Variants in RB1CC1 observed in about 807,000 individuals in gnomAD.
The protein encoded by RB1CC1 is RB1 inducible coiled-coil 1, also known as RB1-inducible coiled-coil protein 1.
Under a neutral mutation model 177.5 loss-of-function variants are expected in RB1CC1, and 46 were observed. The ratio of observed to expected loss-of-function variants is 0.26; its 90% CI spans 0.20 to 0.33. RB1CC1 has a LOEUF of 0.33. Among genes scored for constraint, RB1CC1 ranks in the 10% least tolerant of loss-of-function variants. The pLI, the probability that RB1CC1 is intolerant of heterozygous loss-of-function variation, is 1.00. For synonymous variants in RB1CC1, 666 were observed against 613.6 expected (o/e 1.09, Z -1.26); for missense variants, 1,703 against 1,816.3 (o/e 0.94, Z 1.13).
intron 1 of RB1CC1, among the ~76,000 whole-genome samples, chr8:52,697,907 T>C (rs948732534): frequency 2.6e-5 from 4 of 152,160 alleles, no homozygotes; most frequent in African/African-American, 9.7e-5. Context: ...CTTAAGCCAA[T>C]AACTGTACCA....
In RB1CC1 at chr8:52,683,684, C is replaced by A. The variant is rs1853983652; in HGVS notation, c.234G>T (p.Met78Ile). 1.3e-6 allele frequency: 2 copies of A among 1,595,982 alleles called. No individual in the cohort carries two copies. The highest frequency in any genetic ancestry group is 1.2e-5 in the South Asian group (1 of 86,876). Reference protein sequence around the residue: ...TNPIFLFNKEMILCDRPPAIP... With the variant: ...TNPIFLFNKEIILCDRPPAIP... Reference sequence around the variant, plus strand: ...TAGCAGGTGGACGATCACATAAGATCATTTCTTTGTTAAAAAGAAAAATTG... The same window carrying A: ...TAGCAGGTGGACGATCACATAAGATAATTTCTTTGTTAAAAAGAAAAATTG... The change falls in exon 5 of 24, where the codon ATG becomes ATT. Residue 78 changes from methionine (M) to isoleucine (I), a missense_variant. Physicochemically the swap from Met to Ile is conservative, Grantham distance 10. Transcript: ENST00000025008.
Position 52,659,312 on chromosome 8 carries a change from GTATA to G in RB1CC1, c.1690-340_1690-337del, listed in dbSNP as rs535162312. 4.2e-3 allele frequency among the ~76,000 whole-genome samples: 634 copies of G among 152,018 alleles called. 2 individuals carry two copies. The highest frequency in any genetic ancestry group is 5.6e-3 in the Non-Finnish European group (379 of 67,988). ...GGTAAACACATATGTAAGTGTGTGC[GTATA>G]TATATAATATTTACCATGTTAAAGC... is the stretch of plus-strand genomic sequence containing the variant. On this transcript the variant is annotated intron_variant, in intron 12 of 23. Coordinates refer to ENST00000025008, the MANE Select transcript of RB1CC1 (RefSeq NM_014781.5).
chr8:52,657,159 G>T lies in RB1CC1; in HGVS notation c.2670C>A (p.Asn890Lys). ...ACTCTCCCTTCAATTTTTTAATTTT[G>T]TTTTCATTCTCTTCAGTTTCCTTTA... ...GLIKETEENE[N>K]KIKKLKGELV... The change falls in exon 15 of 24, where the codon AAC becomes AAA. Residue 890 changes from asparagine to lysine, a missense_variant. Asn to Lys is a moderately conservative substitution (Grantham distance 94). This residue lies in a region of RB1CC1 where 1,169 missense variants were observed against 1,184.7 expected (regional missense o/e 0.99). Coordinates refer to ENST00000025008, the MANE Select transcript of RB1CC1 (RefSeq NM_014781.5). 1 of 1,608,428 alleles carries T rather than the reference G, an allele frequency of 6.2e-7. No homozygotes were observed.
At chr8:52,664,834 T>C (rs576857734) in intron 8 of RB1CC1, among the ~76,000 whole-genome samples, 7 of 152,278 alleles carry the variant, frequency 4.6e-5, no homozygotes, top group Admixed American at 3.3e-4. Flanking sequence ...TGAAACCAAG[T>C]AGACTTGAGG....
At chr8:52,713,115 CTACACAATAAAATAGTTAGCAAA>C (rs1318183697) in intron 1 of RB1CC1, among the ~76,000 whole-genome samples, 1 of 152,206 alleles carries the variant, frequency 6.6e-6, no homozygotes, top group African/African-American at 2.4e-5. Flanking sequence ...ACTTAAGAAA[CTACACAATAAAATAGTTAGCAAA>C]TAGGTACACT....
intron 13 of RB1CC1, among the ~76,000 whole-genome samples, chr8:52,658,349 C>A (rs1464666882): frequency 2.6e-5 from 4 of 151,896 alleles, no homozygotes; most frequent in Non-Finnish European, 5.9e-5. Context: ...GAGGCCTAGG[C>A]GGGTGGATCA....
At position 52,677,046 on chromosome 8, in the gene RB1CC1, T is replaced by C. The variant is rs145719359; in HGVS notation, c.370-475A>G. On this transcript the variant is annotated intron_variant, in intron 5 of 23. Coordinates refer to ENST00000025008, the MANE Select transcript of RB1CC1 (RefSeq NM_014781.5). ...AAGCAGTGAAAATACCTTCAGAAAA[T>C]AGACATCTGACATTCAGTTCCAAAC... Among the ~76,000 whole-genome samples the C allele has an allele frequency of 6.4e-4, 97 of 152,204 alleles. 2 individuals carry two copies. The East Asian group carries it at 0.013, about 21-fold the overall frequency.
At chr8:52,636,096 G>T in intron 18 of RB1CC1, 27 bp from the exon 19 acceptor site, 1 of 1,588,786 alleles carries the variant, frequency 6.3e-7, no homozygotes, top group Non-Finnish European at 8.5e-7. Flanking sequence ...TTGAGTTTCA[G>T]TTTGAAATTC....
At chr8:52,671,064 GA>G (rs1291520874) in intron 7 of RB1CC1, among the ~76,000 whole-genome samples, 5 of 152,006 alleles carry the variant, frequency 3.3e-5, no homozygotes, top group Admixed American at 1.3e-4. Flanking sequence ...AAAATGGGGG[GA>G]AAAACAATAA....
intron 13 of RB1CC1, 24 bp from the exon 14 acceptor site, chr8:52,658,148 A>G: frequency 6.3e-7 from 1 of 1,594,348 alleles, no homozygotes; most frequent in Non-Finnish European, 8.5e-7. Context: ...CAATGCAATT[A>G]GACTTCTGAT....
chr8:52,714,235 C>T lies in RB1CC1; in HGVS notation c.-327G>A, dbSNP rs1458006003. 1 of 223,880 alleles carries T rather than the reference C, an allele frequency of 4.5e-6. No homozygotes were observed. Among genetic ancestry groups the T allele is most frequent in the African/African-American group, 2.4e-5 (1 of 41,816 alleles). 13.9% of individuals were successfully genotyped at this position (223,880 alleles called of 1,614,324 possible). A position where few individuals can be genotyped will look rare whatever the true frequency, so the allele number is the denominator to read the frequency against. On this transcript the variant is annotated 5_prime_UTR_variant, in exon 1 of 24. Transcript: ENST00000025008. ...GTCCCGGGCGCCCGCCCGCCGCGGCCCCGAACTCTAGGAGGCAGGGAGGGG... is the reference window on the plus strand; with the variant it reads ...GTCCCGGGCGCCCGCCCGCCGCGGCTCCGAACTCTAGGAGGCAGGGAGGGG...
Position 52,673,836 on chromosome 8 carries a change from GTT to G in RB1CC1, c.1002+7_1002+8del. 1 of 1,578,086 alleles carries G rather than the reference GTT, an allele frequency of 6.3e-7. No homozygotes were observed. Among genetic ancestry groups the G allele is most frequent in the Non-Finnish European group, 8.6e-7 (1 of 1,162,064 alleles). On this transcript the variant is annotated splice_region_variant and intron_variant, in intron 7 of 23. Coordinates refer to ENST00000025008, the MANE Select transcript of RB1CC1 (RefSeq NM_014781.5). ...ATGACAAAACAAACATCAAATTAAC[GTT>G]ACTTACCCTGCTCATAGAATCAAAG...
chr8:52,692,986 T>C (rs1855039985), intron 1 of RB1CC1, among the ~76,000 whole-genome samples: 1 of 152,220 alleles, frequency 6.6e-6, no homozygotes, highest in Non-Finnish European at 1.5e-5. Context: ...TACAACCACC[T>C]GATCTTCCAC....
chr8:52,643,696 CAAAAA>C (rs34520917), intron 16 of RB1CC1, among the ~76,000 whole-genome samples: 5 of 81,088 alleles, frequency 6.2e-5, no homozygotes, highest in Admixed American at 1.5e-4. Flanking sequence ...CTCTAAGAGG[CAAAAA>C]AAAAAAAAAA....
In RB1CC1 at chr8:52,701,809, CT is replaced by C. The variant is rs1170416136; in HGVS notation, c.-167+12265del. Among the ~76,000 whole-genome samples the C allele has an allele frequency of 6.7e-5, 10 of 149,050 alleles. No individual in the cohort carries two copies. In the South Asian group the frequency reaches 8.6e-4, roughly 13 times the overall value. ...TCTTCTTTGAAAAAAAAAAAAATCA[CT>C]TTTTTTTTTCTTTTGAGATGGAGTC... On this transcript the variant is annotated intron_variant, in intron 1 of 23. Coordinates refer to ENST00000025008, the MANE Select transcript of RB1CC1 (RefSeq NM_014781.5).
intron 20 of RB1CC1, among the ~76,000 whole-genome samples, chr8:52,631,142 G>T (rs1314582704): frequency 6.6e-6 from 1 of 152,134 alleles, no homozygotes; most frequent in Non-Finnish European, 1.5e-5. Flanking sequence ...AAAAGGAGAA[G>T]GCAGAGGGGA....
Position 52,631,079 on chromosome 8 carries a change from G to A in RB1CC1, c.4441-551C>T, listed in dbSNP as rs558073166. Among the ~76,000 whole-genome samples the A allele has an allele frequency of 4.6e-5, 7 of 152,092 alleles. No individual in the cohort carries two copies. The East Asian group carries it at 7.7e-4, about 17-fold the overall frequency. On this transcript the variant is annotated intron_variant, in intron 20 of 23. Transcript: ENST00000025008. ...GGACCACACAATCTAAGCTGATCCC[G>A]GTTAGCTTAGACCTAAACTTTTTCC... is the stretch of plus-strand genomic sequence containing the variant.
chr8:52,713,536 G>A (rs773042202), intron 1 of RB1CC1, among the ~76,000 whole-genome samples: 7 of 152,160 alleles, frequency 4.6e-5, no homozygotes, highest in Non-Finnish European at 7.3e-5. Flanking sequence ...CGCACTCTGG[G>A]GTCGGGACAA....
intron 15 of RB1CC1, among the ~76,000 whole-genome samples, chr8:52,653,889 AGATCCAGAATC>A (rs1228679849): frequency 6.6e-6 from 1 of 152,210 alleles, no homozygotes; most frequent in East Asian, 1.9e-4. Context: ...GTACATCCTT[AGATCCAGAATC>A]GTTACTGGAA....
Sources: allele counts gnomAD v4.1 joint callset (sites outside exome capture counted in the v4.1 genomes callset), GRCh38; gene constraint gnomAD v4.1.1; regional missense constraint gnomAD v4.1.1; transcripts MANE v1.5; gene names NCBI Gene and HGNC (gene_info 2026-07-23, HGNC 2026-07-21).